The following EXOC2 variants were observed in gnomAD, a reference collection of about 807,000 sequenced individuals.
The protein encoded by EXOC2 is exocyst complex component 2, also known as SEC5-like 1.
A neutral mutation model predicts 131.8 loss-of-function variants in EXOC2; 70 were observed. The ratio of observed to expected loss-of-function variants is 0.53; its 90% CI spans 0.44 to 0.65. The LOEUF is 0.65. Ranked by LOEUF, EXOC2 falls within the 30% of genes least tolerant of loss-of-function variation. EXOC2 has a pLI of 0.00. For synonymous variants in EXOC2, 411 were observed against 398.4 expected (o/e 1.03, Z -0.38); for missense variants, 923 against 1,108.6 (o/e 0.83, Z 2.38).
chr6:603,900 A>G (rs751248406), intron 7 of EXOC2, among the ~76,000 whole-genome samples: 1 of 152,248 alleles, frequency 6.6e-6, no homozygotes, highest in Non-Finnish European at 1.5e-5. Context: ...ATAGCTAATA[A>G]TGACAGGAAT....
At chr6:663,101 T>C (rs189200839) in intron 1 of EXOC2, among the ~76,000 whole-genome samples, 1 of 151,920 alleles carries the variant, frequency 6.6e-6, no homozygotes, top group African/African-American at 2.4e-5. Flanking sequence ...CACTAAGAAA[T>C]GCAACAGGAG....
chr6:603,602 T>G (rs1760228307), intron 7 of EXOC2, among the ~76,000 whole-genome samples: 1 of 152,070 alleles, frequency 6.6e-6, no homozygotes, highest in South Asian at 2.1e-4. Flanking sequence ...GTTAATTTTT[T>G]CTATCTTCTT....
intron 3 of EXOC2, among the ~76,000 whole-genome samples, chr6:631,792 G>A (rs1031862697): frequency 1.3e-5 from 2 of 151,988 alleles, no homozygotes; most frequent in Non-Finnish European, 2.9e-5. Context: ...AACAAAAATA[G>A]AAATGTTATA....
intron 12 of EXOC2, among the ~76,000 whole-genome samples, chr6:576,455 T>G (rs1758582669): frequency 6.6e-6 from 1 of 152,220 alleles, no homozygotes; most frequent in Admixed American, 6.5e-5. Context: ...CACAGAATTT[T>G]TTTCTGTGGC....
chr6:656,725 C>T (rs1197182948), intron 1 of EXOC2: 1 of 1,596,540 alleles, frequency 6.3e-7, no homozygotes, highest in African/African-American at 1.3e-5. Flanking sequence ...TCATCGAGAT[C>T]TTCCGAGACA....
chr6:523,988 T>C (rs1337003799), intron 23 of EXOC2, among the ~76,000 whole-genome samples: 3 of 152,272 alleles, frequency 2.0e-5, no homozygotes, highest in Middle Eastern at 3.4e-3. Flanking sequence ...GACATTACAA[T>C]ATATCTAGAT....
At chr6:562,036 T>C (rs1457656156) in intron 17 of EXOC2, among the ~76,000 whole-genome samples, 3 of 152,214 alleles carry the variant, frequency 2.0e-5, no homozygotes, top group Non-Finnish European at 4.4e-5. Context: ...CTGGACTTTC[T>C]TCCTGACAGC....
chr6:557,651 T>A (rs1411893053), intron 17 of EXOC2, among the ~76,000 whole-genome samples: 2 of 145,240 alleles, frequency 1.4e-5, no homozygotes, highest in African/African-American at 5.1e-5. Flanking sequence ...GAAGAAGAAC[T>A]GAGAGAACAA....
intron 7 of EXOC2, among the ~76,000 whole-genome samples, chr6:606,159 T>C (rs1404413516): frequency 6.6e-6 from 1 of 152,000 alleles, no homozygotes; most frequent in Non-Finnish European, 1.5e-5. Flanking sequence ...CAGCAAACTA[T>C]CACAAGGACA....
At chr6:600,453 A>G (rs541022792) in intron 7 of EXOC2, among the ~76,000 whole-genome samples, 1 of 152,242 alleles carries the variant, frequency 6.6e-6, no homozygotes, top group Non-Finnish European at 1.5e-5. Context: ...CTTAAAAAAT[A>G]TAAATTTCAA....
At chr6:553,656 C>T (rs954652530) in intron 21 of EXOC2, among the ~76,000 whole-genome samples, 198 bp downstream of exon 21, 8 of 152,156 alleles carry the variant, frequency 5.3e-5, no homozygotes, top group Admixed American at 2.0e-4. Context: ...GACACTGCAA[C>T]TCCAGCTAAA....
intron 1 of EXOC2, among the ~76,000 whole-genome samples, chr6:638,736 C>G (rs1360221847): frequency 6.6e-6 from 1 of 152,114 alleles, no homozygotes; most frequent in Non-Finnish European, 1.5e-5. Context: ...TTGAGACCAG[C>G]CTGACCAACG....
At chr6:544,015 G>A (rs1332382874) in intron 22 of EXOC2, among the ~76,000 whole-genome samples, 1 of 152,132 alleles carries the variant, frequency 6.6e-6, no homozygotes, top group Non-Finnish European at 1.5e-5. Context: ...TGAAGAGGAA[G>A]CAGACAAATC....
At chr6:544,207 T>A (rs1410897301) in intron 22 of EXOC2, among the ~76,000 whole-genome samples, 1 of 152,218 alleles carries the variant, frequency 6.6e-6, no homozygotes, top group Non-Finnish European at 1.5e-5. Flanking sequence ...TCCTCCGCTC[T>A]CTGAAACAGC....
chr6:556,869 C>T (rs914911451), intron 17 of EXOC2, among the ~76,000 whole-genome samples: 10 of 152,078 alleles, frequency 6.6e-5, no homozygotes, highest in African/African-American at 9.7e-5. Flanking sequence ...CAATATACAA[C>T]GAGGAGCAGA....
intron 18 of EXOC2, 101 bp from the exon 19 acceptor site, chr6:556,114 A>C: frequency 9.4e-7 from 1 of 1,059,448 alleles, no homozygotes; most frequent in South Asian, 1.4e-5. Context: ...ACGCTGCTGC[A>C]GGAGTGGTGC....
At chr6:677,755 C>G (rs942683476) in intron 1 of EXOC2, among the ~76,000 whole-genome samples, 1 of 152,232 alleles carries the variant, frequency 6.6e-6, no homozygotes, top group Non-Finnish European at 1.5e-5. Flanking sequence ...GCATGAGCCA[C>G]TGCGCCCAGC....
chr6:614,434 A>C (rs1581558257), intron 6 of EXOC2, among the ~76,000 whole-genome samples: 1 of 152,310 alleles, frequency 6.6e-6, no homozygotes, highest in Non-Finnish European at 1.5e-5. Flanking sequence ...GACTACTGGA[A>C]GCTCCATGGA....
chr6:551,568 C>T (rs947029363), intron 21 of EXOC2, among the ~76,000 whole-genome samples: 5 of 152,234 alleles, frequency 3.3e-5, no homozygotes, highest in African/African-American at 1.2e-4. Context: ...TGTGCTCCAC[C>T]CACTGGAAGA....
Sources: allele counts gnomAD v4.1 joint callset (sites outside exome capture counted in the v4.1 genomes callset), GRCh38; gene constraint gnomAD v4.1.1; transcripts MANE v1.5; gene names NCBI Gene and HGNC (gene_info 2026-07-23, HGNC 2026-07-21).